TTLL11: variants seen among roughly 807,000 people sequenced by gnomAD.
TTLL11 encodes tubulin tyrosine ligase like 11, also known as tubulin polyglutamylase TTLL11.
A neutral mutation model predicts 51.7 loss-of-function variants in TTLL11; 42 were observed. The observed-to-expected ratio is 0.81, with a 90% CI of 0.64 to 1.05. The LOEUF is 1.05. Ranked by LOEUF, TTLL11 falls within the 50% of genes least tolerant of loss-of-function variation. The pLI, the probability that TTLL11 is intolerant of heterozygous loss-of-function variation, is 0.00. For missense variants in TTLL11, 799 were observed against 940.4 expected, an observed-to-expected ratio of 0.85 and a Z score of 1.97; for synonymous variants, 381 against 383.5, an observed-to-expected ratio of 0.99 and a Z score of 0.08.
rs1836453475 is a variant in TTLL11, at chr9:121,817,784, A to T, written c.*4803T>A. ...GGGCTCAGGTGGATCCTGGCTCTGC[A>T]CTTCACCAGCACGAGACCTCGAGAC... is the stretch of plus-strand genomic sequence containing the variant. On this transcript the variant is annotated 3_prime_UTR_variant, in exon 9 of 9. Coordinates refer to ENST00000321582, the MANE Select transcript of TTLL11 (RefSeq NM_001139442.2). 6.6e-6 allele frequency: 1 copy of T among 152,262 alleles called. No individual in the cohort carries two copies. Among genetic ancestry groups the T allele is most frequent in the Non-Finnish European group, 1.5e-5 (1 of 68,066 alleles). 9.4% of individuals were successfully genotyped at this position (152,262 alleles called of 1,614,324 possible).
intron 6 of TTLL11, among the ~76,000 whole-genome samples, chr9:121,953,579 G>A (rs1841918385): frequency 6.8e-6 from 1 of 146,708 alleles, no homozygotes; most frequent in Non-Finnish European, 1.5e-5. Flanking sequence ...TTTGCAGTGA[G>A]CTGAGATCGC....
At chr9:121,878,541 G>T (rs778582355) in intron 6 of TTLL11, among the ~76,000 whole-genome samples, 3 of 152,128 alleles carry the variant, frequency 2.0e-5, no homozygotes, top group Non-Finnish European at 2.9e-5. Context: ...TGCTGCAGGC[G>T]CATTTTCCTG....
In TTLL11 at chr9:121,821,904, A is replaced by C. The variant is rs1836588000; in HGVS notation, c.*683T>G. The stretch of plus-strand genomic sequence containing the variant: ...GGATTCCTGCTTTGGGGTCACAGTC[A>C]AACAAAATCAAACAAAATGATCTCT... On this transcript the variant is annotated 3_prime_UTR_variant, in exon 9 of 9. Coordinates refer to ENST00000321582, the MANE Select transcript of TTLL11 (RefSeq NM_001139442.2). The surrounding 1 kb of genome is among the most constrained non-coding windows in gnomAD (Gnocchi z 5.0). 6.6e-6 allele frequency: 1 copy of C among 152,192 alleles called. No individual in the cohort carries two copies. The highest frequency in any genetic ancestry group is 6.5e-5 in the Admixed American group (1 of 15,284). The allele number at this position is 152,192 out of a possible 1,614,324, so 9.4% of individuals were successfully genotyped here.
intron 7 of TTLL11, among the ~76,000 whole-genome samples, chr9:121,869,329 G>C (rs1433090366): frequency 1.3e-5 from 2 of 152,186 alleles, no homozygotes; most frequent in Non-Finnish European, 2.9e-5. Context: ...TCCCACTCAA[G>C]ACTTCTAATT....
chr9:121,930,671 C>A (rs1292411029), intron 6 of TTLL11, among the ~76,000 whole-genome samples: 1 of 152,226 alleles, frequency 6.6e-6, no homozygotes, highest in Non-Finnish European at 1.5e-5. Context: ...GAGCTCCTGA[C>A]TCCCTAGGTG....
intron 3 of TTLL11, among the ~76,000 whole-genome samples, chr9:122,005,288 G>T (rs1043220653): frequency 1.3e-5 from 2 of 152,120 alleles, no homozygotes; most frequent in Non-Finnish European, 2.9e-5. Context: ...TAGGTTATTT[G>T]TTGGTACTGA....
intron 8 of TTLL11, among the ~76,000 whole-genome samples, chr9:121,833,305 C>T (rs1023093658): frequency 6.6e-6 from 1 of 152,170 alleles, no homozygotes; most frequent in Non-Finnish European, 1.5e-5. Flanking sequence ...CCCTGACAAA[C>T]GATGGCCTCA....
chr9:121,958,707 G>T (rs4144642), intron 6 of TTLL11, among the ~76,000 whole-genome samples: 11,753 of 152,210 alleles, frequency 0.077, 684 homozygotes, highest in African/African-American at 0.16. Flanking sequence ...TTTGAGTCTT[G>T]GTTTCCTTGC....
rs1836428801 is a variant in TTLL11 at position 121,816,897 on chromosome 9, G to T, written c.*5690C>A. ...TGAGGGAGAAATTCATATGCCATAG[G>T]GGAAAATTTCTCTCACATTCATCAA... On this transcript the variant is annotated 3_prime_UTR_variant, in exon 9 of 9. Coordinates refer to ENST00000321582, the MANE Select transcript of TTLL11 (RefSeq NM_001139442.2). The T allele has an allele frequency of 6.6e-6, 1 of 152,156 alleles. No homozygotes were observed. Among genetic ancestry groups the T allele is most frequent in the African/African-American group, 2.4e-5 (1 of 41,420 alleles). The allele number at this position is 152,156 out of a possible 1,614,324, so 9.4% of individuals were successfully genotyped here. A position where few individuals can be genotyped will look rare whatever the true frequency, so the allele number is the denominator to read the frequency against.
At chr9:122,001,531 G>A (rs1406927435) in intron 3 of TTLL11, among the ~76,000 whole-genome samples, 1 of 136,574 alleles carries the variant, frequency 7.3e-6, no homozygotes, top group Non-Finnish European at 1.6e-5. Flanking sequence ...GGAAGGGGGG[G>A]CGGGACAGGG....
chr9:121,973,252 A>G (rs1460911863), intron 6 of TTLL11, among the ~76,000 whole-genome samples: 1 of 152,244 alleles, frequency 6.6e-6, no homozygotes, highest in Non-Finnish European at 1.5e-5. Context: ...CAAGTGTTGT[A>G]AATATCATAG....
intron 1 of TTLL11, among the ~76,000 whole-genome samples, 171 bp downstream of exon 1, chr9:122,092,516 G>C (rs935338001): frequency 6.6e-6 from 1 of 152,174 alleles, no homozygotes; most frequent in East Asian, 1.9e-4. Context: ...AGTGATTTTG[G>C]GGGGTAGGCC....
chr9:121,866,321 T>C (rs1838173355), intron 7 of TTLL11, among the ~76,000 whole-genome samples: 1 of 152,298 alleles, frequency 6.6e-6, no homozygotes, highest in Middle Eastern at 3.4e-3. Context: ...GAGAATATCA[T>C]CTTTTATGAT....
chr9:122,066,996 A>T (rs924706933), intron 1 of TTLL11, among the ~76,000 whole-genome samples: 1 of 152,180 alleles, frequency 6.6e-6, no homozygotes, highest in African/African-American at 2.4e-5. Context: ...AACTTCCCCC[A>T]TGATTCAATT....
intron 6 of TTLL11, among the ~76,000 whole-genome samples, chr9:121,889,960 T>C (rs1220454336): frequency 6.6e-6 from 1 of 152,194 alleles, no homozygotes; most frequent in Non-Finnish European, 1.5e-5. Context: ...GTGTTTGTCC[T>C]GTGTATCTGG....
At chr9:121,832,974 TG>T (rs1310354687) in intron 8 of TTLL11, among the ~76,000 whole-genome samples, 1 of 151,440 alleles carries the variant, frequency 6.6e-6, no homozygotes, top group Admixed American at 6.6e-5. Flanking sequence ...AAACAAAAAC[TG>T]GGGGGGAGTT....
chr9:121,844,318 A>AG (rs1211689448), intron 8 of TTLL11, among the ~76,000 whole-genome samples: 3 of 152,160 alleles, frequency 2.0e-5, no homozygotes. Context: ...AACAAAAAAA[A>AG]CAATTGGAGG....
intron 3 of TTLL11, among the ~76,000 whole-genome samples, chr9:122,003,523 C>T (rs1322849181): frequency 1.5e-5 from 2 of 130,014 alleles, no homozygotes; most frequent in African/African-American, 3.0e-5. Flanking sequence ...CTCGCATTGT[C>T]GCCTAGGCTA....
intron 1 of TTLL11, among the ~76,000 whole-genome samples, chr9:122,070,011 A>G (rs555248859): frequency 0.058 from 8,783 of 151,310 alleles, 813 homozygotes; most frequent in African/African-American, 0.2. Flanking sequence ...ACACACACAC[A>G]CGCGCACACA....
Sources: gnomAD v4.1 joint callset for allele counts (sites outside exome capture counted in the v4.1 genomes callset) on GRCh38, gnomAD v4.1.1 for gene constraint, Gnocchi (gnomAD v3.1) non-coding constraint, MANE v1.5 for transcripts, NCBI Gene and HGNC (gene_info 2026-07-23, HGNC 2026-07-21) for gene names.